TMEM214: variants seen among roughly 807,000 people sequenced by gnomAD.
TMEM214 encodes transmembrane protein 214.
TMEM214 carries 71 observed loss-of-function variants against 89.8 expected under a neutral mutation model. The observed-to-expected ratio is 0.79, with a 90% confidence interval of 0.65 to 0.96. The LOEUF (loss-of-function observed/expected upper bound fraction) is 0.96, where lower values mean the gene tolerates loss of function less well. TMEM214 is among the 40% of genes least tolerant of loss of function. TMEM214 has a pLI of 0.00. For synonymous variants in TMEM214, 332 were observed against 349.5 expected (o/e 0.95, Z 0.56); for missense variants, 754 against 843.4 (o/e 0.89, Z 1.31).
At chr2:27,036,113 C>A in intron 5 of TMEM214, 61 bp downstream of exon 5, 1 of 1,525,804 alleles carries the variant, frequency 6.6e-7, no homozygotes, top group Non-Finnish European at 9.0e-7. Flanking sequence ...TGGGCAGAAT[C>A]TATGTTGTTG....
chr2:27,037,322 A>G, intron 8 of TMEM214, 144 bp downstream of exon 8: 1 of 831,974 alleles, frequency 1.2e-6, no homozygotes. Flanking sequence ...GGGAACAGTG[A>G]CCCCTTGAAA....
chr2:27,036,995 G>A, intron 7 of TMEM214, 82 bp from the exon 8 acceptor site: 1 of 1,289,852 alleles, frequency 7.8e-7, no homozygotes, highest in East Asian at 2.3e-5. Flanking sequence ...CTTTTTCCTA[G>A]ATGTTGGCTT....
At chr2:27,039,482 G>A in intron 13 of TMEM214, 1 of 596,390 alleles carries the variant, frequency 1.7e-6, no homozygotes, top group East Asian at 2.8e-5. Flanking sequence ...AAGTAGAAGG[G>A]CAGACCCTCA....
In TMEM214 at chr2:27,040,944, TTC is replaced by T. The variant is rs1440245461; in HGVS notation, c.*112_*113del. ...GAGTCTTTTTAACTTGGTGCCTGAGTTCTCTCCTAGGCAAGTGGCCAGTTGCC... is the reference window on the plus strand; with the variant it reads ...GAGTCTTTTTAACTTGGTGCCTGAGTTCTCCTAGGCAAGTGGCCAGTTGCC... On this transcript the variant is annotated 3_prime_UTR_variant, in exon 17 of 17. Coordinates refer to ENST00000238788, the MANE Select transcript of TMEM214 (RefSeq NM_017727.5). 5 of 1,448,034 alleles carry T rather than the reference TTC, an allele frequency of 3.5e-6. No individual in the cohort carries two copies. The highest frequency in any genetic ancestry group is 3.7e-5 in the Admixed American group (2 of 53,860). 89.7% of individuals were successfully genotyped at this position (1,448,034 alleles called of 1,614,324 possible). A position where few individuals can be genotyped will look rare whatever the true frequency, so the allele number is the denominator to read the frequency against.
rs1667486171 is a variant in TMEM214, at chr2:27,034,990, C to T, written c.352-145C>T. On this transcript the variant is annotated intron_variant, in intron 2 of 16. Coordinates refer to ENST00000238788, the MANE Select transcript of TMEM214 (RefSeq NM_017727.5). ...TAAAGATGTAGGTACAGCAGAATTGCAGCATTCCATGTTCTTATGCTTAAA... is the reference window on the plus strand; with the variant it reads ...TAAAGATGTAGGTACAGCAGAATTGTAGCATTCCATGTTCTTATGCTTAAA... 6.9e-6 allele frequency: 6 copies of T among 863,956 alleles called. No homozygotes were observed. In the East Asian group the frequency reaches 1.6e-4, roughly 23 times the overall value. The allele number at this position is 863,956 out of a possible 1,614,324, so 53.5% of individuals were successfully genotyped here.
rs1403844709 is a variant in TMEM214 at position 27,035,748 on chromosome 2, G to C, written c.637+20G>C. 1 of 1,613,934 alleles carries C rather than the reference G, an allele frequency of 6.2e-7. No homozygotes were observed. Among genetic ancestry groups the C allele is most frequent in the East Asian group, 2.2e-5 (1 of 44,890 alleles). ...CACCAGGTGAAAGGGGCACGGGAGG[G>C]ATGACCATCTTGGGAGCCTCCTCCT... is the stretch of plus-strand genomic sequence containing the variant. On this transcript the variant is annotated intron_variant, in intron 4 of 16. Transcript: ENST00000238788.
intron 13 of TMEM214, chr2:27,039,510 G>A (rs1186112326): frequency 2.5e-5 from 15 of 602,276 alleles, no homozygotes; most frequent in Non-Finnish European, 3.6e-5. Flanking sequence ...GCTTCCTGAA[G>A]CCTGAGCCTA....
In TMEM214 at chr2:27,035,293, C is replaced by A; in HGVS notation, c.502+8C>A. 6.2e-7 allele frequency: 1 copy of A among 1,614,190 alleles called. No homozygotes were observed. The highest frequency in any genetic ancestry group is 8.5e-7 in the Non-Finnish European group (1 of 1,180,024). On this transcript the variant is annotated splice_region_variant and intron_variant, in intron 3 of 16. Transcript: ENST00000238788. ...TGAGCCAGCATACTCATGGTAAGTC[C>A]TTCCAGCTTCCTCAAGCTCAGACAA... is the stretch of plus-strand genomic sequence containing the variant.
intron 15 of TMEM214, 55 bp downstream of exon 15, chr2:27,040,253 C>G: frequency 6.2e-7 from 1 of 1,606,244 alleles, no homozygotes; most frequent in Non-Finnish European, 8.5e-7. Context: ...GAGCAGAATT[C>G]TGGGAAAGGA....
At position 27,035,640 on chromosome 2, in the gene TMEM214, A is replaced by G. The variant is rs1413478328; in HGVS notation, c.549A>G (p.Arg183=). The G allele has an allele frequency of 2.5e-6, 4 of 1,614,176 alleles. No homozygotes were observed. The East Asian group carries it at 6.7e-5, about 27-fold the overall frequency. The part of the protein sequence containing the change: ...LVSRELRGII[R]GLLAKAAGSL... ...GCCGGGAGCTACGTGGGATCATCCG[A>G]GGGCTGCTGGCGAAGGCAGCAGGGT... Residue 183 remains arginine (R), a synonymous_variant, in exon 4 of 17, where the codon CGA becomes CGG. Transcript: ENST00000238788.
Position 27,039,847 on chromosome 2 carries a change from T to A in TMEM214, c.1622+10T>A. On this transcript the variant is annotated intron_variant, in intron 14 of 16. Transcript: ENST00000238788. Reference sequence around the variant, plus strand: ...GTCTGCAAGGCTACAGGTGAGCTCCTCCCAGGGAGGGGAGAGGAGAGGCAG... The same window carrying A: ...GTCTGCAAGGCTACAGGTGAGCTCCACCCAGGGAGGGGAGAGGAGAGGCAG... 1 of 1,613,938 alleles carries A rather than the reference T, an allele frequency of 6.2e-7. No individual in the cohort carries two copies. The highest frequency in any genetic ancestry group is 8.5e-7 in the Non-Finnish European group (1 of 1,179,866).
chr2:27,034,139 A>C lies in TMEM214; in HGVS notation c.224A>C (p.Gln75Pro). Residue 75 changes from glutamine to proline, a missense_variant, in exon 2 of 17, where the codon CAG (glutamine) becomes CCG (proline). By Grantham distance (76) the Gln-to-Pro change is moderately conservative. Transcript: ENST00000238788. ...ATCATGAAGCGGCAGAATAAGGAGC[A>C]GGTCCCACCCCCTGCTGTGGAACCT... ...ENIMKRQNKE[Q>P]VPPPAVEPKK... 6.2e-7 allele frequency: 1 copy of C among 1,614,194 alleles called. No individual in the cohort carries two copies.
In TMEM214 at chr2:27,038,215, C is replaced by G. The variant is rs758209146; in HGVS notation, c.1222C>G (p.Pro408Ala). The G allele has an allele frequency of 1.2e-6, 2 of 1,614,036 alleles. No homozygotes were observed. Among genetic ancestry groups the G allele is most frequent in the Non-Finnish European group, 1.7e-6 (2 of 1,180,010 alleles). The change falls in exon 10 of 17, where the codon CCT becomes GCT. Residue 408 changes from proline to alanine, a missense_variant. Coordinates refer to ENST00000238788, the MANE Select transcript of TMEM214 (RefSeq NM_017727.5). The surrounding 1 kb of genome is among the most constrained non-coding windows in gnomAD (Gnocchi z 4.4). ...LSASVWRQLY[P>A]KHLSQSSLLL... ...TGCCAGCGTCTGGAGGCAGCTGTACCCTAAGCACCTGTCACAGTCCAGGCA... is the reference window on the plus strand; with the variant it reads ...TGCCAGCGTCTGGAGGCAGCTGTACGCTAAGCACCTGTCACAGTCCAGGCA...
intron 13 of TMEM214, 177 bp downstream of exon 13, chr2:27,039,341 T>C (rs993624687): frequency 1.8e-5 from 11 of 614,436 alleles, no homozygotes; most frequent in Admixed American, 1.1e-4. Flanking sequence ...CCATTTCAGA[T>C]TGGACTAGGA....
At position 27,034,302 on chromosome 2, in the gene TMEM214, G is replaced by A. The variant is rs772498625; in HGVS notation, c.351+36G>A. ...CTAGACATGAGACGCAGAAAGAATG[G>A]GGGCTTGAGATTTAGAGAAGATGAG... On this transcript the variant is annotated intron_variant, in intron 2 of 16. Transcript: ENST00000238788. 8 of 1,606,254 alleles carry A rather than the reference G, an allele frequency of 5.0e-6. No homozygotes were observed. The Admixed American group carries it at 5.1e-5, about 10-fold the overall frequency.
rs200131734 is a variant in TMEM214, at chr2:27,040,384, C to T, written c.1831C>T (p.Arg611Cys). 6.4e-4 allele frequency: 1,040 copies of T among 1,614,238 alleles called. 10 individuals carry two copies. The South Asian group carries it at 0.01, about 16-fold the overall frequency. The change falls in exon 16 of 17, where the codon CGC becomes TGC. Residue 611 changes from arginine (R) to cysteine (C), a missense_variant. Transcript: ENST00000238788. ...CCCCGATTCCGTGAATCAGCTACTC[C>T]GCTATCTGAGAGAGCTGCCCCTGCT... is the stretch of plus-strand genomic sequence containing the variant. ...QLPDSVNQLL[R>C]YLRELPLLFH...
intron 4 of TMEM214, 43 bp from the exon 5 acceptor site, chr2:27,035,927 T>C (rs372916820): frequency 1.2e-6 from 2 of 1,607,120 alleles, no homozygotes; most frequent in African/African-American, 2.7e-5. Flanking sequence ...AGGTTTGGGA[T>C]GCCAAATAAT....
intron 15 of TMEM214, 41 bp downstream of exon 15, chr2:27,040,239 C>T: frequency 1.2e-6 from 2 of 1,605,438 alleles, no homozygotes; most frequent in African/African-American, 2.7e-5. Context: ...GCTGGTTTTC[C>T]CAGGAGCAGA....
chr2:27,037,770 C>CAAAGGCCTTGCCTTCACAGA, intron 9 of TMEM214, 68 bp downstream of exon 9: 1 of 1,613,810 alleles, frequency 6.2e-7, no homozygotes, highest in Non-Finnish European at 8.5e-7. Flanking sequence ...TATCTGCTGA[C>CAAAGGCCTTGCCTTCACAGA]AAAGGCCTTG....
Sources: gnomAD v4.1 joint callset for allele counts on GRCh38, gnomAD v4.1.1 for gene constraint, Gnocchi (gnomAD v3.1) non-coding constraint, MANE v1.5 for transcripts, NCBI Gene and HGNC (gene_info 2026-07-23, HGNC 2026-07-21) for gene names.